The following KCTD8 variants were observed in gnomAD, a reference collection of about 807,000 sequenced individuals.
KCTD8 encodes the protein BTB/POZ domain-containing protein KCTD8.
In KCTD8, 27 loss-of-function variants were observed where a neutral mutation model predicts 31.5. That is an observed-to-expected ratio of 0.86 (90% confidence interval 0.63 to 1.18). KCTD8 has a LOEUF of 1.18. KCTD8 is among the 50% of genes most tolerant of loss of function. The probability of loss-of-function intolerance (pLI) is 0.00; values close to 1 mark genes in which losing one functional copy is unlikely to be tolerated. For missense variants in KCTD8, 658 were observed against 647.7 expected (o/e 1.02, Z -0.17); for synonymous variants, 290 against 280.0 (o/e 1.04, Z -0.36).
intron 1 of KCTD8, among the ~76,000 whole-genome samples, chr4:44,289,567 G>C (rs532605980): frequency 6.6e-6 from 1 of 152,268 alleles, no homozygotes; most frequent in South Asian, 2.1e-4. Context: ...TTCCATCCTA[G>C]AACGGCTCCT....
chr4:44,344,985 T>C (rs1719002049), intron 1 of KCTD8, among the ~76,000 whole-genome samples: 1 of 152,166 alleles, frequency 6.6e-6, no homozygotes, highest in African/African-American at 2.4e-5. Flanking sequence ...TTTTTGTTTC[T>C]TTGTTCTTTC....
At chr4:44,398,171 C>T (rs1044475512) in intron 1 of KCTD8, among the ~76,000 whole-genome samples, 2 of 152,062 alleles carry the variant, frequency 1.3e-5, no homozygotes, top group African/African-American at 4.8e-5. Flanking sequence ...TAGCTCAAGG[C>T]CTTTAAAGAG....
At chr4:44,308,607 C>A (rs1437149295) in intron 1 of KCTD8, among the ~76,000 whole-genome samples, 1 of 151,914 alleles carries the variant, frequency 6.6e-6, no homozygotes, top group African/African-American at 2.4e-5. Flanking sequence ...GTAAAATTTA[C>A]AAGAACAGAT....
intron 1 of KCTD8, among the ~76,000 whole-genome samples, chr4:44,209,746 C>T (rs1362145216): frequency 6.6e-6 from 1 of 152,006 alleles, no homozygotes; most frequent in African/African-American, 2.4e-5. Flanking sequence ...TGAACATTTT[C>T]AGGAATGGTA....
intron 1 of KCTD8, among the ~76,000 whole-genome samples, chr4:44,250,550 C>T (rs765577765): frequency 4.1e-4 from 62 of 151,738 alleles, no homozygotes; most frequent in Non-Finnish European, 9.0e-4. Flanking sequence ...GAGATAGAAC[C>T]AGAATCTGCA....
intron 1 of KCTD8, among the ~76,000 whole-genome samples, chr4:44,336,019 G>A (rs539423240): frequency 6.7e-6 from 1 of 148,372 alleles, no homozygotes; most frequent in South Asian, 2.1e-4. Context: ...GCGTAGTGGC[G>A]GGCGCCTGTA....
At chr4:44,259,872 C>A (rs1400982891) in intron 1 of KCTD8, among the ~76,000 whole-genome samples, 1 of 151,698 alleles carries the variant, frequency 6.6e-6, no homozygotes, top group African/African-American at 2.4e-5. Context: ...TCTTACCCCT[C>A]CCAAAAAACA....
intron 1 of KCTD8, among the ~76,000 whole-genome samples, chr4:44,305,843 A>G (rs1378923027): frequency 6.6e-6 from 1 of 151,886 alleles, no homozygotes; most frequent in Admixed American, 6.6e-5. Flanking sequence ...AAGTAGTTCA[A>G]AGATTTGCTA....
intron 1 of KCTD8, among the ~76,000 whole-genome samples, chr4:44,330,600 A>C (rs184875213): frequency 1.1e-4 from 17 of 152,128 alleles, no homozygotes; most frequent in Admixed American, 1.3e-4. Flanking sequence ...AAAATCAAAG[A>C]GACCTGGTAA....
chr4:44,259,018 T>C (rs1716083720), intron 1 of KCTD8, among the ~76,000 whole-genome samples: 1 of 151,926 alleles, frequency 6.6e-6, no homozygotes, highest in Non-Finnish European at 1.5e-5. Context: ...GGTCAATAAT[T>C]TCTAAATAAT....
intron 1 of KCTD8, among the ~76,000 whole-genome samples, chr4:44,296,801 A>G (rs1395826164): frequency 1.3e-5 from 2 of 151,950 alleles, no homozygotes; most frequent in Non-Finnish European, 2.9e-5. Context: ...TATTTCCCAC[A>G]GCAACAATCT....
chr4:44,334,543 T>C (rs950301075), intron 1 of KCTD8, among the ~76,000 whole-genome samples: 1 of 152,108 alleles, frequency 6.6e-6, no homozygotes, highest in Admixed American at 6.5e-5. Context: ...ATTGCATTAA[T>C]GCAAGTCTGA....
intron 1 of KCTD8, among the ~76,000 whole-genome samples, chr4:44,386,786 T>C (rs1036537057): frequency 1.3e-5 from 2 of 151,740 alleles, no homozygotes; most frequent in East Asian, 1.9e-4. Context: ...ATCAAAGAGA[T>C]ATCGGCACTC....
intron 1 of KCTD8, among the ~76,000 whole-genome samples, chr4:44,181,929 C>T (rs1479935729): frequency 1.4e-5 from 2 of 142,174 alleles, no homozygotes; most frequent in Non-Finnish European, 3.2e-5. Flanking sequence ...AGGAGCCCCT[C>T]CACCCGGCAG....
chr4:44,240,982 A>ATGTGGGTTTGAGG (rs1276164901), intron 1 of KCTD8, among the ~76,000 whole-genome samples: 5 of 152,214 alleles, frequency 3.3e-5, no homozygotes, highest in African/African-American at 9.6e-5. Flanking sequence ...AGGCAGAATC[A>ATGTGGGTTTGAGG]CAGATGGTTT....
chr4:44,442,911 G>A (rs1010103101), intron 1 of KCTD8, among the ~76,000 whole-genome samples: 1 of 151,922 alleles, frequency 6.6e-6, no homozygotes, highest in Non-Finnish European at 1.5e-5. Context: ...CCCACACAAA[G>A]CTGAAAAAGG....
chr4:44,244,292 T>C (rs1379909826), intron 1 of KCTD8, among the ~76,000 whole-genome samples: 2 of 152,270 alleles, frequency 1.3e-5, no homozygotes, highest in East Asian at 1.9e-4. Context: ...TAGAGCCCAA[T>C]TTTTTATCTT....
chr4:44,255,476 A>C (rs1256367064), intron 1 of KCTD8, among the ~76,000 whole-genome samples: 1 of 151,882 alleles, frequency 6.6e-6, no homozygotes. Context: ...TCTGTTGTCT[A>C]AGTTATCTTA....
At chr4:44,240,318 C>A (rs2109356710) in intron 1 of KCTD8, among the ~76,000 whole-genome samples, 1 of 152,318 alleles carries the variant, frequency 6.6e-6, no homozygotes, top group Admixed American at 6.5e-5. Context: ...ATGCTGGCAA[C>A]TCCTTTCCCT....
Sources: allele counts gnomAD v4.1 joint callset (sites outside exome capture counted in the v4.1 genomes callset), GRCh38; gene constraint gnomAD v4.1.1; transcripts MANE v1.5; gene names NCBI Gene and HGNC (gene_info 2026-07-23, HGNC 2026-07-21).